Variants in GALNT17 observed in about 807,000 individuals in gnomAD.
GALNT17 encodes the protein polypeptide N-acetylgalactosaminyltransferase 17.
GALNT17 carries 29 observed loss-of-function variants against 63.7 expected under a neutral mutation model. The observed-to-expected ratio is 0.46, with a 90% CI of 0.34 to 0.62. The LOEUF (loss-of-function observed/expected upper bound fraction) is 0.62, where lower values mean the gene tolerates loss of function less well. GALNT17 is among the 20% of genes least tolerant of loss of function. The probability of loss-of-function intolerance (pLI) is 0.01; values close to 1 mark genes in which losing one functional copy is unlikely to be tolerated. For missense variants in GALNT17, 603 were observed against 799.6 expected (o/e 0.75, Z 2.97); for synonymous variants, 305 against 318.3 (o/e 0.96, Z 0.45).
intron 5 of GALNT17, among the ~76,000 whole-genome samples, chr7:71,463,315 A>G (rs1353520082): frequency 6.6e-6 from 1 of 152,206 alleles, no homozygotes; most frequent in African/African-American, 2.4e-5. Flanking sequence ...CAATTCTTAA[A>G]CAGTCTGAGG....
chr7:71,377,348 A>AATAAAAAAATGTC (rs11271368), intron 2 of GALNT17, among the ~76,000 whole-genome samples: 1 of 151,058 alleles, frequency 6.6e-6, no homozygotes, highest in Non-Finnish European at 1.5e-5. Flanking sequence ...GTAGGTGAAT[A>AATAAAAAAATGTC]TTCGGAGAAT....
intron 1 of GALNT17, among the ~76,000 whole-genome samples, chr7:71,275,740 T>G (rs987657696): frequency 3.3e-5 from 5 of 152,132 alleles, no homozygotes; most frequent in African/African-American, 1.2e-4. Flanking sequence ...GAGGCAATGT[T>G]CCTTTTGCAG....
chr7:71,391,791 G>A (rs367652674), intron 3 of GALNT17, among the ~76,000 whole-genome samples: 3 of 152,142 alleles, frequency 2.0e-5, no homozygotes, highest in African/African-American at 7.2e-5. Flanking sequence ...CTGGCCTTGG[G>A]TGATTTATTT....
intron 1 of GALNT17, among the ~76,000 whole-genome samples, chr7:71,314,574 C>T (rs1176016322): frequency 6.6e-6 from 1 of 152,160 alleles, no homozygotes; most frequent in East Asian, 1.9e-4. Flanking sequence ...GATATTTTTG[C>T]TCCATGTTCT....
At chr7:71,139,466 GA>G (rs529653104) in intron 1 of GALNT17, among the ~76,000 whole-genome samples, 1 of 152,162 alleles carries the variant, frequency 6.6e-6, no homozygotes, top group Non-Finnish European at 1.5e-5. Context: ...GTTGCTTAAA[GA>G]AATTGAAAAT....
chr7:71,228,630 G>A (rs770116845), intron 1 of GALNT17, among the ~76,000 whole-genome samples: 4 of 152,058 alleles, frequency 2.6e-5, no homozygotes, highest in Non-Finnish European at 4.4e-5. Flanking sequence ...GGCTTGTGGC[G>A]GCATCACTCT....
At chr7:71,646,096 C>G (rs1226174355) in intron 6 of GALNT17, among the ~76,000 whole-genome samples, 1 of 152,144 alleles carries the variant, frequency 6.6e-6, no homozygotes, top group Non-Finnish European at 1.5e-5. Context: ...GGCATTTTGC[C>G]TCCAAGTTCC....
At chr7:71,482,149 CAT>C (rs146331475) in intron 5 of GALNT17, among the ~76,000 whole-genome samples, 1,063 of 73,560 alleles carry the variant, frequency 0.014, 21 homozygotes, top group African/African-American at 0.047. Context: ...GACAAGGATA[CAT>C]TTTTTTTTTT....
intron 5 of GALNT17, among the ~76,000 whole-genome samples, chr7:71,452,284 G>A (rs182940211): frequency 6.6e-6 from 1 of 151,222 alleles, no homozygotes; most frequent in African/African-American, 2.4e-5. Flanking sequence ...GGTGGCTTAC[G>A]CCTGTAATCC....
chr7:71,562,805 G>A (rs1417078147), intron 5 of GALNT17, among the ~76,000 whole-genome samples: 1 of 152,146 alleles, frequency 6.6e-6, no homozygotes, highest in Non-Finnish European at 1.5e-5. Context: ...CCAGGCGAAA[G>A]GATCTATAGG....
chr7:71,366,742 G>T (rs892207013), intron 2 of GALNT17, among the ~76,000 whole-genome samples: 1 of 152,060 alleles, frequency 6.6e-6, no homozygotes, highest in African/African-American at 2.4e-5. Flanking sequence ...AGATTCTGCC[G>T]ACTTGCTCTC....
At chr7:71,695,879 C>G (rs1001108766) in intron 9 of GALNT17, among the ~76,000 whole-genome samples, 3 of 152,208 alleles carry the variant, frequency 2.0e-5, no homozygotes, top group African/African-American at 4.8e-5. Context: ...AGAGGGGCTC[C>G]TGTCCCCTGC....
At chr7:71,436,970 T>A (rs2116505789) in intron 5 of GALNT17, among the ~76,000 whole-genome samples, 2 of 152,240 alleles carry the variant, frequency 1.3e-5, no homozygotes, top group East Asian at 3.9e-4. Context: ...GCATCTGGGC[T>A]CCTCACAGAC....
chr7:71,471,307 G>C (rs1787623976), intron 5 of GALNT17, among the ~76,000 whole-genome samples: 1 of 149,786 alleles, frequency 6.7e-6, no homozygotes, highest in Non-Finnish European at 1.5e-5. Context: ...CGAACTGCTG[G>C]ACTCAGGGGA....
intron 6 of GALNT17, among the ~76,000 whole-genome samples, chr7:71,654,871 C>T (rs1790805544): frequency 6.6e-6 from 1 of 152,142 alleles, no homozygotes; most frequent in Admixed American, 6.5e-5. Flanking sequence ...TCACTGCAAC[C>T]TCCACCTCCT....
At chr7:71,180,301 A>G (rs1292600779) in intron 1 of GALNT17, among the ~76,000 whole-genome samples, 2 of 151,690 alleles carry the variant, frequency 1.3e-5, no homozygotes, top group Non-Finnish European at 2.9e-5. Flanking sequence ...AATTTTTTGT[A>G]TTTTAGTAGA....
At chr7:71,510,070 G>A (rs981857569) in intron 5 of GALNT17, among the ~76,000 whole-genome samples, 3 of 151,838 alleles carry the variant, frequency 2.0e-5, no homozygotes, top group Non-Finnish European at 2.9e-5. Context: ...TTGGTCTCCC[G>A]AGTAGCTGGG....
intron 1 of GALNT17, among the ~76,000 whole-genome samples, chr7:71,232,333 T>C (rs1789805616): frequency 6.6e-6 from 1 of 152,136 alleles, no homozygotes; most frequent in African/African-American, 2.4e-5. Flanking sequence ...ATTGAACACC[T>C]TTTGGGAGCC....
chr7:71,614,804 A>T (rs972812109), intron 6 of GALNT17, among the ~76,000 whole-genome samples: 2 of 146,834 alleles, frequency 1.4e-5, no homozygotes, highest in Non-Finnish European at 3.0e-5. Flanking sequence ...AAGAGAAAAA[A>T]GTAATAGAGA....
Sources: allele counts gnomAD v4.1 joint callset (sites outside exome capture counted in the v4.1 genomes callset), GRCh38; gene constraint gnomAD v4.1.1; transcripts MANE v1.5; gene names NCBI Gene and HGNC (gene_info 2026-07-23, HGNC 2026-07-21).